The following RBFOX1 variants were observed in gnomAD, a reference collection of about 807,000 sequenced individuals.
The protein encoded by RBFOX1 is RNA binding protein fox-1 homolog 1.
A neutral mutation model predicts 57.7 loss-of-function variants in RBFOX1; 8 were observed. The ratio of observed to expected loss-of-function variants is 0.14; its 90% CI spans 0.08 to 0.25. RBFOX1 has a LOEUF of 0.25. RBFOX1 is among the 10% of genes least tolerant of loss of function. The pLI, the probability that RBFOX1 is intolerant of heterozygous loss-of-function variation, is 1.00. For missense variants in RBFOX1, 611 were observed against 548.5 expected (o/e 1.11, Z -1.14); for synonymous variants, 326 against 222.4 (o/e 1.47, Z -4.15).
intron 12 of RBFOX1, among the ~76,000 whole-genome samples, chr16:7,660,080 A>C (rs2067320238): frequency 6.6e-6 from 1 of 152,206 alleles, no homozygotes; most frequent in Non-Finnish European, 1.5e-5. Flanking sequence ...TTTCTATAAG[A>C]ATATACTTGT....
intron 3 of RBFOX1, among the ~76,000 whole-genome samples, chr16:6,763,070 C>A (rs1359736317): frequency 6.6e-6 from 1 of 152,142 alleles, no homozygotes; most frequent in African/African-American, 2.4e-5. Flanking sequence ...TACAATATAT[C>A]AGGACTGTAT....
chr16:6,602,689 C>T (rs1325792946), intron 2 of RBFOX1, among the ~76,000 whole-genome samples: 3 of 152,212 alleles, frequency 2.0e-5, no homozygotes, highest in Admixed American at 1.3e-4. Context: ...ATATGTTCAT[C>T]TGTGAACTAT....
chr16:7,379,936 C>G (rs1320091895), intron 4 of RBFOX1, among the ~76,000 whole-genome samples: 1 of 152,134 alleles, frequency 6.6e-6, no homozygotes, highest in Non-Finnish European at 1.5e-5. Context: ...CACCCCACAG[C>G]CTTGGCCTCC....
intron 2 of RBFOX1, among the ~76,000 whole-genome samples, chr16:6,392,616 C>T (rs901111772): frequency 7.2e-5 from 11 of 152,198 alleles, no homozygotes; most frequent in African/African-American, 1.2e-4. Flanking sequence ...CTCCTCCGCA[C>T]ACTGAGGAAC....
intron 4 of RBFOX1, among the ~76,000 whole-genome samples, chr16:5,905,055 T>C (rs1234770959): frequency 1.4e-5 from 2 of 141,466 alleles, no homozygotes; most frequent in Non-Finnish European, 3.0e-5. Flanking sequence ...TGACTCCATA[T>C]GACTGGTGCT....
chr16:5,823,214 C>A (rs1302930233), intron 3 of RBFOX1, among the ~76,000 whole-genome samples: 2 of 152,170 alleles, frequency 1.3e-5, no homozygotes, highest in Admixed American at 1.3e-4. Context: ...GATGAACACC[C>A]ATTCACTTTG....
intron 3 of RBFOX1, among the ~76,000 whole-genome samples, chr16:7,002,441 G>A (rs1022660049): frequency 3.9e-5 from 6 of 152,294 alleles, no homozygotes; most frequent in African/African-American, 1.4e-4. Flanking sequence ...TTCGCTGGGC[G>A]CGATGGCTCA....
chr16:6,173,202 C>A (rs912162316), intron 1 of RBFOX1, among the ~76,000 whole-genome samples: 1 of 152,042 alleles, frequency 6.6e-6, no homozygotes, highest in African/African-American at 2.4e-5. Flanking sequence ...AGGATTACAG[C>A]GGCGTGGACA....
intron 4 of RBFOX1, among the ~76,000 whole-genome samples, chr16:7,054,329 T>G (rs926209476): frequency 1.4e-5 from 2 of 141,416 alleles, no homozygotes; most frequent in Non-Finnish European, 3.0e-5. Context: ...AACCTCTGAC[T>G]CCCTGGTTTA....
chr16:6,653,777 G>C (rs534502037), intron 2 of RBFOX1, among the ~76,000 whole-genome samples: 2 of 151,950 alleles, frequency 1.3e-5, no homozygotes, highest in South Asian at 4.2e-4. Context: ...TGGATGGATG[G>C]ATAGGTGGGT....
chr16:5,828,031 A>G (rs985228798), intron 3 of RBFOX1, among the ~76,000 whole-genome samples: 3 of 148,326 alleles, frequency 2.0e-5, no homozygotes, highest in Non-Finnish European at 4.4e-5. Flanking sequence ...TCTTCTGTCC[A>G]TCCATGTATC....
chr16:6,972,402 C>G (rs2085778096), intron 3 of RBFOX1, among the ~76,000 whole-genome samples: 1 of 152,020 alleles, frequency 6.6e-6, no homozygotes. Flanking sequence ...AGGGTTCATC[C>G]ATGGTGTAGG....
chr16:5,975,582 C>T (rs144075942), intron 4 of RBFOX1, among the ~76,000 whole-genome samples: 4 of 152,248 alleles, frequency 2.6e-5, no homozygotes, highest in African/African-American at 7.2e-5. Flanking sequence ...TTTTCCTGAA[C>T]CAGTGTATTC....
chr16:6,632,625 G>A (rs1376816440), intron 2 of RBFOX1, among the ~76,000 whole-genome samples: 1 of 152,204 alleles, frequency 6.6e-6, no homozygotes, highest in African/African-American at 2.4e-5. Context: ...GGCCATGGGT[G>A]TTTTGCTTGA....
At chr16:6,364,135 G>T (rs1019714562) in intron 2 of RBFOX1, among the ~76,000 whole-genome samples, 3 of 152,158 alleles carry the variant, frequency 2.0e-5, no homozygotes, top group Non-Finnish European at 4.4e-5. Flanking sequence ...TCTGTTCCCT[G>T]CTGTACTGAG....
chr16:6,263,218 C>T (rs2097712086), intron 1 of RBFOX1, among the ~76,000 whole-genome samples: 1 of 152,088 alleles, frequency 6.6e-6, no homozygotes, highest in South Asian at 2.1e-4. Flanking sequence ...TTTCTGCTTC[C>T]CCAGGAATTT....
chr16:6,865,015 T>C (rs1057240554), intron 3 of RBFOX1, among the ~76,000 whole-genome samples: 12 of 144,728 alleles, frequency 8.3e-5, no homozygotes, highest in Non-Finnish European at 1.5e-4. Flanking sequence ...TTTTTTTTTT[T>C]TTTTGAGATC....
At chr16:7,381,040 G>A (rs73550734) in intron 4 of RBFOX1, among the ~76,000 whole-genome samples, 6,094 of 152,278 alleles carry the variant, frequency 0.04, 436 homozygotes, top group African/African-American at 0.14. Flanking sequence ...TTGTCTACAT[G>A]AGTGTTTAAT....
Position 7,431,857 on chromosome 16 carries a change from A to G in RBFOX1, c.28-86290A>G, listed in dbSNP as rs138980836. Among the ~76,000 whole-genome samples the G allele has an allele frequency of 6.3e-3, 961 of 152,302 alleles. 5 individuals carry two copies. The highest frequency in any genetic ancestry group is 0.022 in the African/African-American group (915 of 41,558). ...TGCAGAACACTTAACTGTTAAGGTA[A>G]TTAGCTCCCCATTAGAAAGACCTTT... On this transcript the variant is annotated intron_variant, in intron 4 of 15. Transcript: ENST00000550418.
Sources: allele counts gnomAD v4.1 joint callset (sites outside exome capture counted in the v4.1 genomes callset), GRCh38; gene constraint gnomAD v4.1.1; transcripts MANE v1.5; gene names NCBI Gene and HGNC (gene_info 2026-07-23, HGNC 2026-07-21).